MCHR2: variants seen among roughly 807,000 people sequenced by gnomAD.
The protein encoded by MCHR2 is melanin concentrating hormone receptor 2.
In MCHR2, 15 loss-of-function variants were observed where a neutral mutation model predicts 24.8. The ratio of observed to expected loss-of-function variants is 0.60; its 90% CI spans 0.40 to 0.93. MCHR2 has a LOEUF of 0.93. MCHR2 is among the 40% of genes least tolerant of loss of function. MCHR2 has a pLI of 0.00. For synonymous variants in MCHR2, 151 were observed against 147.6 expected (o/e 1.02, Z -0.17); for missense variants, 386 against 408.7 (o/e 0.94, Z 0.48).
intron 5 of MCHR2, among the ~76,000 whole-genome samples, chr6:99,931,123 T>A (rs1025547069): frequency 1.3e-5 from 2 of 152,206 alleles, no homozygotes; most frequent in Non-Finnish European, 2.9e-5. Context: ...TTTGCATGGG[T>A]ACCAGCAGCG....
intron 1 of MCHR2, among the ~76,000 whole-genome samples, chr6:99,985,900 C>T (rs917082708): frequency 6.6e-6 from 1 of 151,840 alleles, no homozygotes; most frequent in Non-Finnish European, 1.5e-5. Flanking sequence ...ACAGAATAGG[C>T]GAAGATATTT....
chr6:99,946,421 T>A (rs1214597597), intron 3 of MCHR2, among the ~76,000 whole-genome samples: 4 of 152,186 alleles, frequency 2.6e-5, no homozygotes, highest in African/African-American at 9.6e-5. Flanking sequence ...CAATTCTTTT[T>A]TTGTTCATCT....
chr6:99,981,228 A>G (rs1775664395), intron 1 of MCHR2, among the ~76,000 whole-genome samples: 1 of 152,228 alleles, frequency 6.6e-6, no homozygotes, highest in South Asian at 2.1e-4. Flanking sequence ...TAGCAATCCT[A>G]TGTCTATCAT....
intron 1 of MCHR2, among the ~76,000 whole-genome samples, chr6:99,991,679 C>T (rs1232704664): frequency 6.6e-5 from 10 of 151,680 alleles, no homozygotes; most frequent in African/African-American, 7.3e-5. Flanking sequence ...TGGTGGTGGG[C>T]GCCTGTAGTC....
intron 1 of MCHR2, among the ~76,000 whole-genome samples, chr6:99,982,650 C>T (rs1226354988): frequency 6.6e-6 from 1 of 151,632 alleles, no homozygotes; most frequent in Non-Finnish European, 1.5e-5. Context: ...AGAAAAAAAC[C>T]ACACCCAATT....
rs553922737 is a variant in MCHR2, at chr6:99,939,653, T to A, written c.587+3296A>T. Among the ~76,000 whole-genome samples, 3 of 152,160 alleles carry A rather than the reference T, an allele frequency of 2.0e-5. No individual in the cohort carries two copies. The South Asian group carries it at 6.2e-4, about 32-fold the overall frequency. On this transcript the variant is annotated intron_variant, in intron 4 of 5. Transcript: ENST00000281806. ...AGAGTATTCTGGGCTTGTTAATGTA[T>A]TTAATTTTATCCAGGGGTTTCATAC...
intron 1 of MCHR2, among the ~76,000 whole-genome samples, chr6:99,973,597 C>T (rs1256032783): frequency 2.6e-5 from 4 of 152,248 alleles, no homozygotes; most frequent in Non-Finnish European, 4.4e-5. Context: ...TGAATTTGAT[C>T]CTGTCATTAT....
chr6:99,976,672 A>G (rs573609083), intron 1 of MCHR2, among the ~76,000 whole-genome samples: 18 of 152,076 alleles, frequency 1.2e-4, no homozygotes, highest in Admixed American at 8.5e-4. Context: ...ATGTTTGCCA[A>G]TGCACCCACC....
chr6:99,970,500 A>G (rs1392280837), intron 1 of MCHR2, among the ~76,000 whole-genome samples: 1 of 151,976 alleles, frequency 6.6e-6, no homozygotes, highest in East Asian at 1.9e-4. Context: ...ATTTTCTCCC[A>G]TTTTGTAGGT....
chr6:99,970,746 T>G (rs1466219854), intron 1 of MCHR2, among the ~76,000 whole-genome samples: 3 of 152,196 alleles, frequency 2.0e-5, no homozygotes, highest in South Asian at 4.1e-4. Flanking sequence ...GTATAAAGTG[T>G]AAGGAAGGGA....
intron 1 of MCHR2, among the ~76,000 whole-genome samples, chr6:99,968,159 T>C (rs1271632677): frequency 6.6e-6 from 1 of 152,164 alleles, no homozygotes; most frequent in Non-Finnish European, 1.5e-5. Flanking sequence ...ACTGGGGGTA[T>C]GGAACCCTGG....
chr6:99,985,036 C>A (rs1383442831), intron 1 of MCHR2, among the ~76,000 whole-genome samples: 2 of 151,994 alleles, frequency 1.3e-5, no homozygotes, highest in Non-Finnish European at 2.9e-5. Flanking sequence ...AAATAATGAT[C>A]AAGCTGGGAA....
chr6:99,960,791 A>C (rs1775168910), intron 1 of MCHR2, among the ~76,000 whole-genome samples: 1 of 152,174 alleles, frequency 6.6e-6, no homozygotes, highest in Non-Finnish European at 1.5e-5. Context: ...AGAAAACTGA[A>C]ACTGGACCCC....
rs1209797125 is a variant in MCHR2, at chr6:99,919,641, A to G, written c.*1299T>C. On this transcript the variant is annotated 3_prime_UTR_variant, in exon 6 of 6. Transcript: ENST00000281806. ...AGATAGATATAATGAATACCTATGA[A>G]AATTTAAGGGCTAATTACTTTTTGT... Among the ~76,000 whole-genome samples the G allele has an allele frequency of 1.3e-5, 2 of 152,200 alleles. No individual in the cohort carries two copies. The highest frequency in any genetic ancestry group is 2.9e-5 in the Non-Finnish European group (2 of 68,030).
Position 99,934,423 on chromosome 6 carries a change from A to G in MCHR2, c.682T>C (p.Tyr228His). 6.3e-7 allele frequency: 1 copy of G among 1,596,282 alleles called. No homozygotes were observed. The highest frequency in any genetic ancestry group is 8.5e-7 in the Non-Finnish European group (1 of 1,174,232). The stretch of plus-strand genomic sequence containing the variant: ...CATCTGGCATCCTTATTCTGTTGAT[A>G]CATCTCCCAAGTATAGCATAAAATT... The part of the protein sequence containing the change: ...ILILCYTWEM[Y>H]QQNKDARCCN... Residue 228 changes from tyrosine to histidine, a missense_variant, in exon 5 of 6, where the codon TAT becomes CAT. By Grantham distance (83) the Tyr-to-His change is moderately conservative. Transcript: ENST00000281806.
intron 5 of MCHR2, 67 bp from the exon 6 acceptor site, chr6:99,921,322 T>C: frequency 4.1e-6 from 6 of 1,456,512 alleles, no homozygotes; most frequent in Non-Finnish European, 5.6e-6. Flanking sequence ...AATGTGTTCC[T>C]AGAACCTTTT....
In MCHR2 at chr6:99,918,905, C is replaced by A. The variant is rs1774169530; in HGVS notation, c.*2035G>T. ...AATTATTTGAGGACTATTGGGACTG[C>A]TACTAGAAAAAGGTCTGTGGTTTAA... On this transcript the variant is annotated 3_prime_UTR_variant, in exon 6 of 6. Transcript: ENST00000281806. 6.6e-6 allele frequency among the ~76,000 whole-genome samples: 1 copy of A among 152,008 alleles called. No individual in the cohort carries two copies. Among genetic ancestry groups the A allele is most frequent in the Non-Finnish European group, 1.5e-5 (1 of 68,002 alleles).
chr6:99,979,336 C>T (rs1026863328), intron 1 of MCHR2, among the ~76,000 whole-genome samples: 5 of 152,038 alleles, frequency 3.3e-5, no homozygotes, highest in Non-Finnish European at 5.9e-5. Context: ...TTTTATTCAT[C>T]TTTTTTATTT....
At chr6:99,942,129 G>A (rs1774782488) in intron 4 of MCHR2, among the ~76,000 whole-genome samples, 2 of 152,116 alleles carry the variant, frequency 1.3e-5, no homozygotes, top group South Asian at 2.1e-4. Context: ...AAACGGCTAT[G>A]GTAGTTGCAT....
Sources: allele counts gnomAD v4.1 joint callset (sites outside exome capture counted in the v4.1 genomes callset), GRCh38; gene constraint gnomAD v4.1.1; transcripts MANE v1.5; gene names NCBI Gene and HGNC (gene_info 2026-07-23, HGNC 2026-07-21).